RABGAP1L: variants seen among roughly 807,000 people sequenced by gnomAD.
RABGAP1L encodes the protein rab GTPase-activating protein 1-like.
A neutral mutation model predicts 137.7 loss-of-function variants in RABGAP1L; 63 were observed. That is an observed-to-expected ratio of 0.46 (90% CI 0.37 to 0.56). The LOEUF is 0.56. Among genes scored for constraint, RABGAP1L ranks in the 20% least tolerant of loss-of-function variants. The pLI is 0.00. For synonymous variants in RABGAP1L, 431 were observed against 433.7 expected (o/e 0.99, Z 0.08); for missense variants, 1,095 against 1,244.0 (o/e 0.88, Z 1.80).
chr1:174,458,335 A>AAAAAAAATTTTTTTCTGTACAG (rs1324245891), intron 13 of RABGAP1L, among the ~76,000 whole-genome samples: 44 of 151,132 alleles, frequency 2.9e-4, no homozygotes, highest in African/African-American at 9.8e-4. Context: ...AAATTTACAG[A>AAAAAAAATTTTTTTCTGTACAG]AAAAAAATTT....
At chr1:174,691,879 G>A (rs188668605) in intron 15 of RABGAP1L, among the ~76,000 whole-genome samples, 24 of 152,102 alleles carry the variant, frequency 1.6e-4, no homozygotes, top group African/African-American at 5.5e-4. Flanking sequence ...GGAATTGCAC[G>A]TACTAAGGTG....
Position 174,448,188 on chromosome 1 carries a change from C to A in RABGAP1L, c.1710+54043C>A. 1 of 1,613,800 alleles carries A rather than the reference C, an allele frequency of 6.2e-7. No individual in the cohort carries two copies. The highest frequency in any genetic ancestry group is 8.5e-7 in the Non-Finnish European group (1 of 1,179,734). On this transcript the variant is annotated intron_variant, in intron 13 of 25. Transcript: ENST00000681986. The surrounding 1 kb of genome is among the most constrained non-coding windows in gnomAD (Gnocchi z 4.2). ...ATTGTGAATGTGTCCGAGCGTCACT[C>A]CTGCCCACTTGGATTTGGCCACTAC... is the stretch of plus-strand genomic sequence containing the variant.
chr1:174,573,204 T>TA (rs1418952431), intron 13 of RABGAP1L, among the ~76,000 whole-genome samples: 1 of 149,884 alleles, frequency 6.7e-6, no homozygotes, highest in Non-Finnish European at 1.5e-5. Context: ...TGTGTATATA[T>TA]GTGTGACATA....
intron 11 of RABGAP1L, among the ~76,000 whole-genome samples, chr1:174,321,352 A>C (rs981242756): frequency 6.6e-6 from 1 of 152,076 alleles, no homozygotes; most frequent in African/African-American, 2.4e-5. Flanking sequence ...TTCCCCTTGA[A>C]GCATGTGATC....
chr1:174,932,302 C>T (rs545707005), intron 19 of RABGAP1L, among the ~76,000 whole-genome samples: 13 of 150,504 alleles, frequency 8.6e-5, no homozygotes, highest in Non-Finnish European at 1.9e-4. Context: ...GTGTTTAACT[C>T]TCTCCTTAGT....
chr1:174,540,564 T>A (rs560033307), intron 13 of RABGAP1L, among the ~76,000 whole-genome samples: 21 of 152,298 alleles, frequency 1.4e-4, no homozygotes, highest in Admixed American at 6.5e-4. Flanking sequence ...CTTTCCCCAT[T>A]TCTTGTTTTT....
At chr1:174,584,073 C>T (rs1668937526) in intron 13 of RABGAP1L, among the ~76,000 whole-genome samples, 1 of 151,990 alleles carries the variant, frequency 6.6e-6, no homozygotes, top group African/African-American at 2.4e-5. Flanking sequence ...CCCTATTGTG[C>T]CTAAAGAAGA....
At chr1:174,460,843 G>T (rs1159174255) in intron 13 of RABGAP1L, among the ~76,000 whole-genome samples, 2 of 152,086 alleles carry the variant, frequency 1.3e-5, no homozygotes, top group African/African-American at 4.8e-5. Context: ...TAGATAGATA[G>T]GTAGGTAGGT....
chr1:174,621,482 C>T (rs1045338086), intron 13 of RABGAP1L, among the ~76,000 whole-genome samples: 2 of 152,190 alleles, frequency 1.3e-5, no homozygotes, highest in Non-Finnish European at 2.9e-5. Context: ...ACCAAAACAG[C>T]ATGGTACTGG....
At chr1:174,269,449 A>T (rs932619466) in intron 7 of RABGAP1L, among the ~76,000 whole-genome samples, 1 of 152,246 alleles carries the variant, frequency 6.6e-6, no homozygotes, top group African/African-American at 2.4e-5. Context: ...AGACATGGGC[A>T]TGAATCCCGG....
chr1:174,731,030 A>G (rs1572957365), intron 17 of RABGAP1L, among the ~76,000 whole-genome samples: 1 of 152,164 alleles, frequency 6.6e-6, no homozygotes, highest in African/African-American at 2.4e-5. Flanking sequence ...GCTGGAGTAC[A>G]GTGGTGTGAT....
chr1:174,500,005 T>C (rs1009460662), intron 13 of RABGAP1L, among the ~76,000 whole-genome samples: 2 of 152,262 alleles, frequency 1.3e-5, no homozygotes, highest in Non-Finnish European at 2.9e-5. Flanking sequence ...AAACCTCTTA[T>C]TTTACAAGAA....
At chr1:174,789,456 T>G (rs1687691115) in intron 18 of RABGAP1L, among the ~76,000 whole-genome samples, 1 of 152,224 alleles carries the variant, frequency 6.6e-6, no homozygotes, top group Non-Finnish European at 1.5e-5. Context: ...GCTACGATTT[T>G]TTTTTACAGA....
intron 13 of RABGAP1L, among the ~76,000 whole-genome samples, chr1:174,593,162 T>C (rs1669727356): frequency 1.3e-5 from 1 of 76,950 alleles, no homozygotes; most frequent in Non-Finnish European, 2.3e-5. Context: ...TAGTATTCTC[T>C]GATGGTAGTT....
chr1:174,285,262 C>T (rs1675953258), intron 10 of RABGAP1L, among the ~76,000 whole-genome samples: 1 of 152,270 alleles, frequency 6.6e-6, no homozygotes, highest in South Asian at 2.1e-4. Flanking sequence ...GGTGATCTGC[C>T]TGCCTTGGCC....
intron 4 of RABGAP1L, among the ~76,000 whole-genome samples, chr1:174,239,220 C>T (rs984945412): frequency 3.3e-5 from 5 of 152,218 alleles, no homozygotes; most frequent in African/African-American, 1.2e-4. Flanking sequence ...GCAGAAATCA[C>T]CCGTCTTCTG....
chr1:174,932,251 TG>T (rs1269256270), intron 19 of RABGAP1L, among the ~76,000 whole-genome samples: 2 of 151,488 alleles, frequency 1.3e-5, no homozygotes, highest in Admixed American at 6.6e-5. Flanking sequence ...AATACTTCTT[TG>T]TTTTTTTTTT....
intron 11 of RABGAP1L, among the ~76,000 whole-genome samples, chr1:174,313,308 A>G (rs1216033256): frequency 1.4e-4 from 21 of 152,200 alleles, no homozygotes; most frequent in Admixed American, 1.4e-3. Context: ...TTTGTATTGT[A>G]ATTTGGTATC....
At chr1:174,688,848 G>T (rs111396449) in intron 15 of RABGAP1L, among the ~76,000 whole-genome samples, 29 of 151,894 alleles carry the variant, frequency 1.9e-4, no homozygotes, top group Non-Finnish European at 3.8e-4. Flanking sequence ...ATTACATTTG[G>T]TATGATTCCA....
Sources: allele counts gnomAD v4.1 joint callset (sites outside exome capture counted in the v4.1 genomes callset), GRCh38; gene constraint gnomAD v4.1.1; non-coding constraint Gnocchi (gnomAD v3.1); transcripts MANE v1.5; gene names NCBI Gene and HGNC (gene_info 2026-07-23, HGNC 2026-07-21).